The following ESR1 variants were observed in gnomAD, a reference collection of about 807,000 sequenced individuals.
ESR1 encodes estrogen receptor.
A neutral mutation model predicts 52.7 loss-of-function variants in ESR1; 12 were observed. The observed-to-expected ratio is 0.23, with a 90% CI of 0.15 to 0.37. ESR1 has a LOEUF of 0.37. Among genes scored for constraint, ESR1 ranks in the 10% least tolerant of loss-of-function variants. The pLI is 1.00. For synonymous variants in ESR1, 305 were observed against 316.8 expected (o/e 0.96, Z 0.39); for missense variants, 584 against 779.7 (o/e 0.75, Z 2.99).
chr6:151,858,595 T>C (rs1788309632), intron 2 of ESR1, among the ~76,000 whole-genome samples: 1 of 152,058 alleles, frequency 6.6e-6, no homozygotes, highest in Non-Finnish European at 1.5e-5. Context: ...TTTTTTTTTT[T>C]TTTAAAGCAT....
intron 3 of ESR1, among the ~76,000 whole-genome samples, chr6:151,889,935 T>C (rs1350271825): frequency 6.6e-6 from 1 of 152,184 alleles, no homozygotes; most frequent in Non-Finnish European, 1.5e-5. Flanking sequence ...TGTTGTTTTA[T>C]TTTCAAGTAT....
intron 2 of ESR1, among the ~76,000 whole-genome samples, chr6:151,843,172 T>A (rs978808472): frequency 2.0e-5 from 3 of 152,236 alleles, no homozygotes; most frequent in South Asian, 4.1e-4. Context: ...TATATGCTGT[T>A]AATTGTCCAT....
At chr6:152,015,883 A>G (rs2043131576) in intron 5 of ESR1, among the ~76,000 whole-genome samples, 1 of 152,212 alleles carries the variant, frequency 6.6e-6, no homozygotes, top group Non-Finnish European at 1.5e-5. Context: ...TATCTTTCCC[A>G]TAATCAAACC....
chr6:152,035,622 T>G (rs951800434), intron 5 of ESR1, among the ~76,000 whole-genome samples: 66 of 152,146 alleles, frequency 4.3e-4, no homozygotes, highest in Non-Finnish European at 7.9e-4. Context: ...AGATGAAAAT[T>G]AAAGTTGAGA....
chr6:151,987,121 A>G (rs981917097), intron 4 of ESR1, among the ~76,000 whole-genome samples: 2 of 151,646 alleles, frequency 1.3e-5, no homozygotes, highest in African/African-American at 4.9e-5. Context: ...CCTGGGTCCA[A>G]ATGGGCTTTG....
At chr6:151,872,070 T>A (rs1791068631) in intron 2 of ESR1, among the ~76,000 whole-genome samples, 1 of 152,340 alleles carries the variant, frequency 6.6e-6, no homozygotes, top group South Asian at 2.1e-4. Context: ...TTTGAGTTTC[T>A]GCTTTCAATT....
At chr6:152,083,393 A>G (rs13210287) in intron 6 of ESR1, among the ~76,000 whole-genome samples, 32,096 of 152,100 alleles carry the variant, frequency 0.21, 4,780 homozygotes, top group African/African-American at 0.41. Flanking sequence ...AAATGGTGCT[A>G]GGAAAACTGG....
intron 2 of ESR1, among the ~76,000 whole-genome samples, chr6:151,865,694 G>A (rs527247123): frequency 2.0e-5 from 3 of 152,312 alleles, no homozygotes; most frequent in East Asian, 1.9e-4. Flanking sequence ...GGGCACTAAC[G>A]AACAACAGAT....
At chr6:151,894,190 A>G (rs1394928963) in intron 3 of ESR1, among the ~76,000 whole-genome samples, 6 of 152,086 alleles carry the variant, frequency 3.9e-5, no homozygotes, top group Non-Finnish European at 7.4e-5. Flanking sequence ...GCCACTTTGT[A>G]TCTTCTTTTG....
intron 3 of ESR1, among the ~76,000 whole-genome samples, chr6:151,921,785 G>A (rs1430074530): frequency 6.6e-6 from 1 of 152,108 alleles, no homozygotes; most frequent in Non-Finnish European, 1.5e-5. Context: ...TAATAGGGTT[G>A]TTTGTCTTTT....
chr6:151,806,534 A>ATG (rs1212195507), upstream of ESR1, among the ~76,000 whole-genome samples: 2 of 130,598 alleles, frequency 1.5e-5, no homozygotes, highest in Non-Finnish European at 3.2e-5. Context: ...TAATATGTAT[A>ATG]TATATATATA....
intron 1 of ESR1, among the ~76,000 whole-genome samples, chr6:151,681,564 A>G (rs1778461159): frequency 6.6e-6 from 1 of 152,006 alleles, no homozygotes; most frequent in Admixed American, 6.6e-5. Context: ...ATTTCGCAAC[A>G]CTTTTCTCCA....
At chr6:151,840,922 C>G (rs9340794) in intron 1 of ESR1, among the ~76,000 whole-genome samples, 1,934 of 152,236 alleles carry the variant, frequency 0.013, 36 homozygotes, top group African/African-American at 0.045. Flanking sequence ...GTGCTGGGCT[C>G]TTATTCCACC....
At chr6:151,948,010 T>C (rs1176301804) in intron 4 of ESR1, among the ~76,000 whole-genome samples, 1 of 152,212 alleles carries the variant, frequency 6.6e-6, no homozygotes, top group Non-Finnish European at 1.5e-5. Flanking sequence ...TTCAGTTTTT[T>C]TAAAAGTAGA....
chr6:152,064,792 G>A (rs2047834144), intron 6 of ESR1, among the ~76,000 whole-genome samples: 1 of 152,152 alleles, frequency 6.6e-6, no homozygotes, highest in South Asian at 2.1e-4. Context: ...TTTAATAGAT[G>A]CTTATTTGCT....
intron 1 of ESR1, among the ~76,000 whole-genome samples, chr6:151,671,944 A>T (rs1778077663): frequency 6.6e-6 from 1 of 152,200 alleles, no homozygotes. Context: ...GTGAGCCTAG[A>T]TCATGGCACT....
chr6:151,740,370 A>G (rs1171635821), intron 2 of ESR1, among the ~76,000 whole-genome samples: 2 of 142,840 alleles, frequency 1.4e-5, no homozygotes, highest in Non-Finnish European at 3.0e-5. Flanking sequence ...TCCTGACCTC[A>G]AGTGATCTAC....
intron 5 of ESR1, among the ~76,000 whole-genome samples, chr6:152,057,909 C>T (rs112448652): frequency 3.2e-4 from 49 of 152,190 alleles, no homozygotes; most frequent in African/African-American, 9.4e-4. Flanking sequence ...GAGTCAAGAA[C>T]GAGCTCTTCG....
chr6:152,091,886 A>C lies in ESR1; in HGVS notation c.1370-2499A>C, dbSNP rs528066848. ...TGAGGCCAGCATCCTGGGTGGGAACAAAAAAGGAAATTGGTAGAAAGTACA... is the reference window on the plus strand; with the variant it reads ...TGAGGCCAGCATCCTGGGTGGGAACCAAAAAGGAAATTGGTAGAAAGTACA... On this transcript the variant is annotated intron_variant, in intron 6 of 7. Transcript: ENST00000206249. Among the ~76,000 whole-genome samples the C allele has an allele frequency of 2.4e-4, 36 of 152,338 alleles. No individual in the cohort carries two copies. In the South Asian group the frequency reaches 4.6e-3, roughly 19 times the overall value.
Sources: allele counts gnomAD v4.1 joint callset (sites outside exome capture counted in the v4.1 genomes callset), GRCh38; gene constraint gnomAD v4.1.1; transcripts MANE v1.5; gene names NCBI Gene and HGNC (gene_info 2026-07-23, HGNC 2026-07-21).